Variants in SASH1 observed in about 807,000 individuals in gnomAD.
The protein encoded by SASH1 is SAM and SH3 domain-containing protein 1.
SASH1 carries 44 observed loss-of-function variants against 125.2 expected under a neutral mutation model. The ratio of observed to expected loss-of-function variants is 0.35; its 90% confidence interval spans 0.28 to 0.45. The LOEUF (loss-of-function observed/expected upper bound fraction) is 0.45. SASH1 is among the 20% of genes least tolerant of loss of function. The pLI is 1.00. For missense variants in SASH1, 1,426 were observed against 1,614.5 expected (o/e 0.88, Z 2.00); for synonymous variants, 639 against 649.1 (o/e 0.98, Z 0.24).
chr6:148,516,500 C>G, intron 9 of SASH1, among the ~76,000 whole-genome samples: 1 of 132,280 alleles, frequency 7.6e-6, no homozygotes, highest in East Asian at 2.7e-4. Flanking sequence ...GCCCCCTCCC[C>G]CCTCCCCCCT....
In SASH1 at chr6:148,539,814, C is replaced by T. The variant is rs117469266; in HGVS notation, c.2096-629C>T. ...ACAACAAAAACAAAAGAAGATTTGC[C>T]ACTGGCCTGTCCTGAGTTTTGGGGT... On this transcript the variant is annotated intron_variant, in intron 16 of 19. Transcript: ENST00000367467. Among the ~76,000 whole-genome samples, 1,267 of 152,226 alleles carry T rather than the reference C, an allele frequency of 8.3e-3. 5 individuals are homozygous for T. The highest frequency in any genetic ancestry group is 0.012 in the Non-Finnish European group (799 of 68,016).
intron 1 of SASH1, among the ~76,000 whole-genome samples, chr6:148,273,312 G>A (rs928410814): frequency 2.3e-5 from 1 of 44,194 alleles, no homozygotes; most frequent in Non-Finnish European, 5.0e-5. Flanking sequence ...TTTTTTTTTT[G>A]AGACAGAGTC....
At chr6:148,535,332 T>C (rs1281485675) in intron 16 of SASH1, among the ~76,000 whole-genome samples, 1 of 152,200 alleles carries the variant, frequency 6.6e-6, no homozygotes, top group Non-Finnish European at 1.5e-5. Flanking sequence ...AGACTCCACT[T>C]TCAGTACTTT....
the SASH1 span, among the ~76,000 whole-genome samples, chr6:148,209,943 T>C: frequency 0.028 from 4,191 of 152,164 alleles, 174 homozygotes; most frequent in African/African-American, 0.095. Flanking sequence ...GTATTTTTTT[T>C]CCCCAATGTG....
chr6:148,275,294 T>A (rs1318397175), intron 1 of SASH1, among the ~76,000 whole-genome samples: 1 of 152,242 alleles, frequency 6.6e-6, no homozygotes, highest in Non-Finnish European at 1.5e-5. Context: ...GGACATCATT[T>A]GTTTCTTGGT....
chr6:148,441,969 G>A (rs1025491571), intron 4 of SASH1, among the ~76,000 whole-genome samples: 1 of 152,136 alleles, frequency 6.6e-6, no homozygotes, highest in African/African-American at 2.4e-5. Flanking sequence ...AATTTTAAGT[G>A]GTTCAAACTT....
At chr6:148,285,746 T>C (rs1345992110) in intron 1 of SASH1, among the ~76,000 whole-genome samples, 1 of 152,204 alleles carries the variant, frequency 6.6e-6, no homozygotes, top group Non-Finnish European at 1.5e-5. Context: ...CCTGGACTTA[T>C]TTCACTATGT....
chr6:148,386,619 G>T (rs76459201), intron 1 of SASH1, among the ~76,000 whole-genome samples: 7,911 of 152,258 alleles, frequency 0.052, 335 homozygotes, highest in East Asian at 0.19. Context: ...CAAAGTGGCA[G>T]GTGTGTTTTG....
chr6:148,216,388 ATATT>A, the SASH1 span, among the ~76,000 whole-genome samples: 6,527 of 152,166 alleles, frequency 0.043, 192 homozygotes, highest in East Asian at 0.11. Context: ...TGGGTTTTTA[ATATT>A]TATTTATTTT....
In SASH1 at chr6:148,544,415, C is replaced by T; in HGVS notation, c.2945C>T (p.Ser982Leu). The change falls in exon 18 of 20, where the codon TCA becomes TTA. Residue 982 changes from serine (S) to leucine (L), a missense_variant. Ser to Leu is a moderately radical substitution (Grantham distance 145, BLOSUM62 -2). This residue lies in a region of SASH1 where 634 missense variants were observed against 694.4 expected (regional missense o/e 0.91). Coordinates refer to ENST00000367467, the MANE Select transcript of SASH1 (RefSeq NM_015278.5). This position sits in a 1 kb window ranked among gnomAD's most constrained non-coding sequence, Gnocchi z 6.4. The stretch of plus-strand genomic sequence containing the variant: ...CAGAGAATGCAGCCCAAAATTCCAT[C>T]ACAGCCTCCACCTGTTCCTGCCAAA... ...AEQRMQPKIP[S>L]QPPPVPAKKS... 1.2e-6 allele frequency: 2 copies of T among 1,614,200 alleles called. No homozygotes were observed. Among genetic ancestry groups the T allele is most frequent in the African/African-American group, 1.3e-5 (1 of 75,052 alleles).
In SASH1 at chr6:148,323,295, C is replaced by T. The variant is rs534931354; in HGVS notation, n.74+50918C>T. On this transcript the variant is annotated intron_variant and non_coding_transcript_variant, in intron 1 of 3. Transcript: ENST00000367469. ...AAAGTGCTGAGATTACAGGCGTGAGCCCCATGCCTGGCCAACGGTGGCTCT... is the reference window on the plus strand; with the variant it reads ...AAAGTGCTGAGATTACAGGCGTGAGTCCCATGCCTGGCCAACGGTGGCTCT... Among the ~76,000 whole-genome samples, 7 of 152,266 alleles carry T rather than the reference C, an allele frequency of 4.6e-5. No homozygotes were observed. In the South Asian group the frequency reaches 1.5e-3, roughly 32 times the overall value.
At chr6:148,326,851 C>A (rs1205629301) in intron 1 of SASH1, among the ~76,000 whole-genome samples, 1 of 152,096 alleles carries the variant, frequency 6.6e-6, no homozygotes, top group South Asian at 2.1e-4. Flanking sequence ...TAATAAAATC[C>A]GCCCTCCGAG....
intron 1 of SASH1, among the ~76,000 whole-genome samples, chr6:148,359,908 G>A (rs533274500): frequency 9.6e-4 from 146 of 152,152 alleles, no homozygotes; most frequent in African/African-American, 3.0e-3. Context: ...ACAGGTGCCC[G>A]CCACCATGCC....
chr6:148,252,764 C>T, the SASH1 span, among the ~76,000 whole-genome samples: 4 of 152,188 alleles, frequency 2.6e-5, no homozygotes, highest in African/African-American at 9.7e-5. Context: ...CAGCCATGAG[C>T]CACCATGCCC....
intron 1 of SASH1, among the ~76,000 whole-genome samples, chr6:148,351,650 C>CTTT (rs67177596): frequency 0.046 from 5,326 of 115,968 alleles, 181 homozygotes; most frequent in Non-Finnish European, 0.056. Context: ...TTACTCACCG[C>CTTT]TTTTTTTTTT....
chr6:148,307,068 C>CTT (rs1234102172), intron 1 of SASH1, among the ~76,000 whole-genome samples: 4 of 146,322 alleles, frequency 2.7e-5, no homozygotes, highest in African/African-American at 7.8e-5. Context: ...TTCTTTCTTT[C>CTT]TTTCTTTCTT....
chr6:148,474,207 G>A lies in SASH1; in HGVS notation c.612G>A (p.Glu204=). The part of the protein sequence containing the change: ...MMVKEKMITI[E]EALARLKEYE... ...TCAAAGAAAAGATGATCACAATTGA[G>A]GAAGCACTTGCTAGGGTAAGCATGC... The change falls in exon 7 of 20, where the codon GAG becomes GAA. Residue 204 remains glutamate, a synonymous_variant. Coordinates refer to ENST00000367467, the MANE Select transcript of SASH1 (RefSeq NM_015278.5). The A allele has an allele frequency of 6.3e-7, 1 of 1,598,032 alleles. No individual in the cohort carries two copies. Among genetic ancestry groups the A allele is most frequent in the Middle Eastern group, 1.7e-4 (1 of 6,050 alleles).
At position 148,519,822 on chromosome 6, in the gene SASH1, A is replaced by G. The variant is rs1780692651; in HGVS notation, c.1138A>G (p.Lys380Glu). The change falls in exon 10 of 20, where the codon AAG (lysine) becomes GAG (glutamate). Residue 380 changes from lysine to glutamate, a missense_variant. Coordinates refer to ENST00000367467, the MANE Select transcript of SASH1 (RefSeq NM_015278.5). The surrounding 1 kb of genome is among the most constrained non-coding windows in gnomAD (Gnocchi z 4.8). ...ATTCTTCTCCTACCCAGAAGAAGAA[A>G]AGGCCCAGAAAGTGTCCCGCTCCCT... ...GTFFSYPEEE[K>E]AQKVSRSLTE... 1.2e-6 allele frequency: 2 copies of G among 1,612,710 alleles called. No homozygotes were observed. The highest frequency in any genetic ancestry group is 1.7e-6 in the Non-Finnish European group (2 of 1,179,484).
At chr6:148,439,068 C>T (rs1426590661) in intron 2 of SASH1, among the ~76,000 whole-genome samples, 1 of 152,126 alleles carries the variant, frequency 6.6e-6, no homozygotes, top group Non-Finnish European at 1.5e-5. Context: ...GGCAATTGAA[C>T]AATTAGATGC....
Sources: gnomAD v4.1 joint callset for allele counts (sites outside exome capture counted in the v4.1 genomes callset) on GRCh38, gnomAD v4.1.1 for gene constraint, gnomAD v4.1.1 regional missense constraint, Gnocchi (gnomAD v3.1) non-coding constraint, MANE v1.5 for transcripts, NCBI Gene and HGNC (gene_info 2026-07-23, HGNC 2026-07-21) for gene names.